Variants in QTMAN observed in about 807,000 individuals in gnomAD.
The protein encoded by QTMAN is tRNA-queuosine alpha-mannosyltransferase.
At chr2:144,119,842 C>A in the QTMAN span, among the ~76,000 whole-genome samples, 1 of 151,710 alleles carries the variant, frequency 6.6e-6, no homozygotes, top group African/African-American at 2.4e-5. Context: ...AAGCACCCTG[C>A]GTTTGCCCAT....
the QTMAN span, among the ~76,000 whole-genome samples, chr2:144,247,217 T>C: frequency 6.6e-6 from 1 of 152,162 alleles, no homozygotes; most frequent in African/African-American, 2.4e-5. Flanking sequence ...GCTGGAAGAA[T>C]GTCTTCAAGA....
At chr2:144,064,663 T>G in the QTMAN span, among the ~76,000 whole-genome samples, 1 of 152,138 alleles carries the variant, frequency 6.6e-6, no homozygotes, top group Non-Finnish European at 1.5e-5. Context: ...TAGAAATGAT[T>G]AGGGCAAGCT....
the QTMAN span, among the ~76,000 whole-genome samples, chr2:144,152,581 C>T: frequency 4.6e-5 from 7 of 152,126 alleles, no homozygotes; most frequent in South Asian, 4.1e-4. Flanking sequence ...ATTTTTATTG[C>T]ATACATTTAA....
At chr2:144,125,727 GAAAA>G in the QTMAN span, among the ~76,000 whole-genome samples, 1 of 151,900 alleles carries the variant, frequency 6.6e-6, no homozygotes, top group Non-Finnish European at 1.5e-5. Context: ...CTTATTTCAT[GAAAA>G]ACCATAAAAC....
At chr2:144,253,860 T>A in the QTMAN span, among the ~76,000 whole-genome samples, 2 of 151,764 alleles carry the variant, frequency 1.3e-5, no homozygotes, top group Non-Finnish European at 1.5e-5. Context: ...CAGGGGAAAA[T>A]GTCTCCAGGG....
chr2:144,141,905 G>A, the QTMAN span: 1 of 1,610,892 alleles, frequency 6.2e-7, no homozygotes, highest in Non-Finnish European at 8.5e-7. Context: ...GAAACCTGAT[G>A]GGAAAGTAAA....
At chr2:144,092,613 T>C in the QTMAN span, among the ~76,000 whole-genome samples, 60 of 152,292 alleles carry the variant, frequency 3.9e-4, no homozygotes, top group African/African-American at 1.3e-3. Context: ...TTTTGAACTG[T>C]TGGAAAAACA....
At chr2:144,011,812 G>A in the QTMAN span, 1 of 865,630 alleles carries the variant, frequency 1.2e-6, no homozygotes, top group South Asian at 5.3e-5. Flanking sequence ...TCTGGTGGAG[G>A]TGCTAATGAG....
At chr2:143,971,147 A>G in the QTMAN span, among the ~76,000 whole-genome samples, 5 of 151,872 alleles carry the variant, frequency 3.3e-5, no homozygotes, top group African/African-American at 4.8e-5. Context: ...GAAAAGACCA[A>G]TCTTCAAAGG....
the QTMAN span, among the ~76,000 whole-genome samples, chr2:143,974,017 C>T: frequency 6.6e-6 from 1 of 152,138 alleles, no homozygotes; most frequent in Non-Finnish European, 1.5e-5. Flanking sequence ...GTGAATCTGT[C>T]TTAAATTCCT....
the QTMAN span, among the ~76,000 whole-genome samples, chr2:144,123,408 C>T: frequency 2.6e-5 from 4 of 152,186 alleles, no homozygotes; most frequent in South Asian, 4.1e-4. Flanking sequence ...AACATTTGAG[C>T]GTGCTTCAGG....
chr2:144,152,136 T>C, the QTMAN span, among the ~76,000 whole-genome samples: 1 of 152,200 alleles, frequency 6.6e-6, no homozygotes, highest in Non-Finnish European at 1.5e-5. Flanking sequence ...TCTTCCATCA[T>C]GTAATTTTCC....
the QTMAN span, among the ~76,000 whole-genome samples, chr2:144,278,037 T>C: frequency 1.2e-4 from 18 of 152,202 alleles, no homozygotes; most frequent in Admixed American, 4.6e-4. Flanking sequence ...CCACCAATGA[T>C]GGCAGGCGAG....
At chr2:144,270,497 C>A in the QTMAN span, among the ~76,000 whole-genome samples, 2 of 152,172 alleles carry the variant, frequency 1.3e-5, no homozygotes, top group Admixed American at 1.3e-4. Flanking sequence ...CGTTAATGTC[C>A]TTTGCAGGGA....
At chr2:144,092,838 A>G in the QTMAN span, among the ~76,000 whole-genome samples, 1 of 151,728 alleles carries the variant, frequency 6.6e-6, no homozygotes. Flanking sequence ...CTATCTATAA[A>G]TAAAAGACAA....
chr2:143,962,121 A>G, the QTMAN span, among the ~76,000 whole-genome samples: 1 of 152,126 alleles, frequency 6.6e-6, no homozygotes, highest in African/African-American at 2.4e-5. Flanking sequence ...CCAGTCAGTT[A>G]TACCATGGCC....
the QTMAN span, among the ~76,000 whole-genome samples, chr2:144,290,857 A>G: frequency 6.6e-6 from 1 of 152,080 alleles, no homozygotes; most frequent in African/African-American, 2.4e-5. Context: ...CCAATCCCCT[A>G]TATATTGCTT....
chr2:144,181,317 T>C, the QTMAN span, among the ~76,000 whole-genome samples: 1 of 152,204 alleles, frequency 6.6e-6, no homozygotes, highest in Non-Finnish European at 1.5e-5. Context: ...AATGTGTTCC[T>C]TTCCCCCACG....
chr2:144,085,587 T>A, the QTMAN span, among the ~76,000 whole-genome samples: 2 of 152,170 alleles, frequency 1.3e-5, no homozygotes, highest in African/African-American at 2.4e-5. Context: ...CAACTATACA[T>A]GTCCTACTAG....
Sources: gnomAD v4.1 joint callset for allele counts (sites outside exome capture counted in the v4.1 genomes callset) on GRCh38, gnomAD v4.1.1 for gene constraint, MANE v1.5 for transcripts, NCBI Gene and HGNC (gene_info 2026-07-23, HGNC 2026-07-21) for gene names.